The following PHTF2 variants were observed in gnomAD, a reference collection of about 807,000 sequenced individuals.
PHTF2 encodes the protein putative homeodomain transcription factor 2.
Under a neutral mutation model 101.2 loss-of-function variants are expected in PHTF2, and 60 were observed. The observed-to-expected ratio is 0.59, with a 90% CI of 0.48 to 0.73. The LOEUF (loss-of-function observed/expected upper bound fraction) is 0.73, where lower values mean the gene tolerates loss of function less well. Among genes scored for constraint, PHTF2 ranks in the 30% least tolerant of loss-of-function variants. The probability of loss-of-function intolerance (pLI) is 0.00; values close to 1 mark genes in which losing one functional copy is unlikely to be tolerated. For synonymous variants in PHTF2, 311 were observed against 307.3 expected (o/e 1.01, Z -0.13); for missense variants, 747 against 908.7 (o/e 0.82, Z 2.29).
chr7:77,830,437 G>A (rs964888942), intron 1 of PHTF2, among the ~76,000 whole-genome samples: 4 of 152,176 alleles, frequency 2.6e-5, no homozygotes, highest in South Asian at 2.1e-4. Context: ...GCAAGTGAGC[G>A]AAGCTTCATC....
intron 1 of PHTF2, among the ~76,000 whole-genome samples, chr7:77,802,877 G>A (rs909944406): frequency 1.3e-5 from 2 of 152,106 alleles, no homozygotes; most frequent in African/African-American, 2.4e-5. Context: ...AGAAAGTCTC[G>A]TGCTTCTATC....
intron 11 of PHTF2, among the ~76,000 whole-genome samples, chr7:77,924,937 C>T (rs924970948): frequency 3.9e-5 from 6 of 152,048 alleles, no homozygotes; most frequent in South Asian, 2.1e-4. Context: ...TTCCAGTGTT[C>T]TGTTGGGAGG....
At chr7:77,940,602 C>T (rs200795918) in exon 15 of PHTF2, 1 of 1,606,544 alleles carries the variant, frequency 6.2e-7, no homozygotes, top group East Asian at 2.2e-5. Context: ...TTCCTCATTT[C>T]CGGTTGAAGA....
intron 9 of PHTF2, among the ~76,000 whole-genome samples, chr7:77,916,691 G>A (rs1368847424): frequency 2.0e-5 from 3 of 151,888 alleles, no homozygotes; most frequent in South Asian, 2.1e-4. Context: ...CTCAAGTCTC[G>A]TGTATAAATG....
intron 16 of PHTF2, among the ~76,000 whole-genome samples, chr7:77,944,095 G>A (rs1418133415): frequency 6.6e-6 from 1 of 152,106 alleles, no homozygotes. Flanking sequence ...GAGTTCATAA[G>A]ATAATAAAGG....
chr7:77,922,960 TGATA>T (rs774177070), intron 11 of PHTF2, 182 bp downstream of exon 10: 340 of 1,315,430 alleles, frequency 2.6e-4, no homozygotes, highest in Middle Eastern at 5.8e-4. Flanking sequence ...GCACATGTAT[TGATA>T]GATAGCCACA....
chr7:77,920,530 G>A (rs1375709752), intron 10 of PHTF2, 65 bp downstream of exon 9: 2 of 1,212,762 alleles, frequency 1.6e-6, no homozygotes, highest in Non-Finnish European at 2.4e-6. Context: ...AAGTGACTTA[G>A]ATATAGTAGT....
intron 2 of PHTF2, among the ~76,000 whole-genome samples, chr7:77,845,735 A>C (rs986427055): frequency 6.6e-6 from 1 of 152,214 alleles, no homozygotes. Flanking sequence ...CAGATGGCTC[A>C]AAAGTATTAA....
rs778969426 is a variant in PHTF2, at chr7:77,854,751, AC to A, written c.66del (p.Thr23ProfsTer27). 1.2e-5 allele frequency: 9 copies of A among 724,884 alleles called. No individual in the cohort carries two copies. In the African/African-American group the frequency reaches 1.5e-4, roughly 12 times the overall value. The allele number at this position is 724,884 out of a possible 1,614,324, so 44.9% of individuals were successfully genotyped here. On this transcript the variant is annotated frameshift_variant, in exon 3 of 20. Coordinates refer to ENST00000416283, the Ensembl canonical transcript of PHTF2. LOFTEE classifies it high-confidence loss of function. ...CATGTAGGAGTTTCTCTCTGTGGCC[AC>A]CACCGCCCCAGGCCCACAGCAAGTA...
chr7:77,809,990 AT>A (rs1793310944), intron 1 of PHTF2, among the ~76,000 whole-genome samples: 1 of 152,234 alleles, frequency 6.6e-6, no homozygotes, highest in Non-Finnish European at 1.5e-5. Context: ...TAGTTGGTAT[AT>A]AGGAAATTAA....
chr7:77,831,601 A>G (rs1202969431), intron 1 of PHTF2, among the ~76,000 whole-genome samples: 1 of 152,212 alleles, frequency 6.6e-6, no homozygotes, highest in Non-Finnish European at 1.5e-5. Flanking sequence ...TGTGTGATAC[A>G]CTTCTCAGGA....
intron 3 of PHTF2, among the ~76,000 whole-genome samples, chr7:77,857,268 A>G (rs1797258512): frequency 6.6e-6 from 1 of 152,176 alleles, no homozygotes; most frequent in Admixed American, 6.6e-5. Context: ...TGTATTGGAG[A>G]AAGTTGTGGA....
At chr7:77,922,945 G>A (rs1402616975) in intron 11 of PHTF2, 167 bp downstream of exon 10, 14 of 1,352,692 alleles carry the variant, frequency 1.0e-5, no homozygotes, top group South Asian at 3.9e-5. Context: ...TTAGGTTTAC[G>A]TATTGCACAT....
chr7:77,934,912 A>G lies in PHTF2; in HGVS notation c.1339-2798A>G, dbSNP rs968501099. Among the ~76,000 whole-genome samples the G allele has an allele frequency of 3.9e-5, 6 of 151,950 alleles. No individual in the cohort carries two copies. The South Asian group carries it at 1.2e-3, about 32-fold the overall frequency. On this transcript the variant is annotated intron_variant, in intron 12 of 19. Transcript: ENST00000416283. Reference sequence around the variant, plus strand: ...AGGCGAAGGTTTCAGTTAGCCAAGAACCACACTCCAGCCTGGGCAGTGGAG... The same window carrying G: ...AGGCGAAGGTTTCAGTTAGCCAAGAGCCACACTCCAGCCTGGGCAGTGGAG...
chr7:77,850,482 TAG>T (rs979943131), intron 2 of PHTF2, among the ~76,000 whole-genome samples: 4 of 126,252 alleles, frequency 3.2e-5, no homozygotes, highest in Admixed American at 1.7e-4. Context: ...CTAAAAAAAA[TAG>T]AGAAAAAATA....
chr7:77,944,041 G>A (rs138841474), intron 16 of PHTF2, among the ~76,000 whole-genome samples: 81 of 152,182 alleles, frequency 5.3e-4, no homozygotes, highest in Non-Finnish European at 9.6e-4. Context: ...AACAATGCTC[G>A]GGGGAACCCT....
intron 1 of PHTF2, among the ~76,000 whole-genome samples, chr7:77,833,538 G>A (rs754799478): frequency 4.6e-5 from 7 of 152,304 alleles, no homozygotes; most frequent in South Asian, 4.1e-4. Context: ...GAGGTAAGAA[G>A]ATTGCTGAAG....
intron 19 of PHTF2, among the ~76,000 whole-genome samples, chr7:77,954,632 A>ATATATATATATG (rs1806858455): frequency 6.9e-6 from 1 of 145,318 alleles, no homozygotes; most frequent in African/African-American, 2.5e-5. Flanking sequence ...ATATATATAT[A>ATATATATATATG]TATATATATA....
At position 77,869,075 on chromosome 7, in the gene PHTF2, T is replaced by A. The variant is rs139179805; in HGVS notation, c.147+14241T>A. Among the ~76,000 whole-genome samples the A allele has an allele frequency of 3.9e-3, 597 of 152,274 alleles. 3 individuals carry two copies. The highest frequency in any genetic ancestry group is 4.3e-3 in the Non-Finnish European group (289 of 67,998). ...CCTGTCTTTCAGTCTGGTTCTGTCA[T>A]TGGTTCTCTTTTGACTTTGAGCAAG... On this transcript the variant is annotated intron_variant, in intron 3 of 19. Coordinates refer to ENST00000416283, the Ensembl canonical transcript of PHTF2.
Sources: gnomAD v4.1 joint callset for allele counts (sites outside exome capture counted in the v4.1 genomes callset) on GRCh38, gnomAD v4.1.1 for gene constraint, MANE v1.5 for transcripts, NCBI Gene and HGNC (gene_info 2026-07-23, HGNC 2026-07-21) for gene names.